Variants in CDH23 observed in about 807,000 individuals in gnomAD.
The protein encoded by CDH23 is cadherin-23.
CDH23 carries 189 observed loss-of-function variants against 317.1 expected under a neutral mutation model. The observed-to-expected ratio is 0.60, with a 90% CI of 0.53 to 0.67. The LOEUF is 0.67. Ranked by LOEUF, CDH23 falls within the 30% of genes least tolerant of loss-of-function variation. CDH23 has a pLI of 0.00. For missense variants in CDH23, 4,401 were observed against 4,592.4 expected, an observed-to-expected ratio of 0.96 and a Z score of 1.20; for synonymous variants, 1,839 against 1,876.8, an observed-to-expected ratio of 0.98 and a Z score of 0.52.
chr10:71,609,646 T>C (rs941422052), intron 9 of CDH23, among the ~76,000 whole-genome samples: 8 of 152,226 alleles, frequency 5.3e-5, no homozygotes, highest in African/African-American at 1.9e-4. Flanking sequence ...CATCTACCTC[T>C]CTGGCCATTG....
At chr10:71,663,476 G>A (rs1003699169) in intron 14 of CDH23, among the ~76,000 whole-genome samples, 1 of 152,160 alleles carries the variant, frequency 6.6e-6, no homozygotes, top group African/African-American at 2.4e-5. Flanking sequence ...CTGACTCATG[G>A]TCCCTGGACT....
At chr10:71,629,703 G>T (rs1861913493) in intron 11 of CDH23, among the ~76,000 whole-genome samples, 1 of 152,204 alleles carries the variant, frequency 6.6e-6, no homozygotes, top group African/African-American at 2.4e-5. Context: ...GCTACAGCAG[G>T]CATAGCCCTG....
chr10:71,798,248 C>A (rs1011560996), intron 49 of CDH23, 106 bp from the exon 50 acceptor site: 26 of 783,870 alleles, frequency 3.3e-5, no homozygotes, highest in Middle Eastern at 2.3e-4. Context: ...CTCTGGGGGG[C>A]TGTGGGATGC....
At chr10:71,622,919 C>G (rs377268625) in intron 11 of CDH23, 203 of 985,354 alleles carry the variant, frequency 2.1e-4, no homozygotes, top group East Asian at 6.8e-4. Flanking sequence ...TTCAGAAAGG[C>G]CTTCGGGCCT....
chr10:71,562,300 T>A (rs898089357), intron 6 of CDH23, among the ~76,000 whole-genome samples: 8 of 152,146 alleles, frequency 5.3e-5, no homozygotes, highest in African/African-American at 1.7e-4. Flanking sequence ...TCCGGCCACC[T>A]CCCCATGCGC....
chr10:71,692,375 A>G (rs937157403), intron 20 of CDH23, among the ~76,000 whole-genome samples: 9 of 152,288 alleles, frequency 5.9e-5, no homozygotes, highest in African/African-American at 2.2e-4. Flanking sequence ...CTTTGTCTCC[A>G]AAGGTGTAAG....
chr10:71,739,059 G>A lies in CDH23; in HGVS notation c.4359+412G>A, dbSNP rs1250955109. Among the ~76,000 whole-genome samples, 7 of 152,312 alleles carry A rather than the reference G, an allele frequency of 4.6e-5. 1 individual carries two copies. Among genetic ancestry groups the A allele is most frequent in the Non-Finnish European group, 8.8e-5 (6 of 68,024 alleles). ...TGCAGAGGGAGAAGTGATGAAACCC[G>A]CCAGTGTTCACACAGCTTTCATCTG... On this transcript the variant is annotated intron_variant, in intron 35 of 69. Transcript: ENST00000224721.
At chr10:71,676,832 C>T (rs1864391099) in intron 15 of CDH23, among the ~76,000 whole-genome samples, 2 of 152,216 alleles carry the variant, frequency 1.3e-5, no homozygotes, top group Admixed American at 1.3e-4. Context: ...ACTTTCCTCA[C>T]TCCAAGCCAG....
intron 17 of CDH23, among the ~76,000 whole-genome samples, chr10:71,680,246 C>T (rs1864560555): frequency 6.6e-6 from 1 of 152,252 alleles, no homozygotes; most frequent in Non-Finnish European, 1.5e-5. Context: ...TTGGTCCTGC[C>T]TCCCTTTGGC....
In CDH23 at chr10:71,682,593, G is replaced by T. The variant is rs1369824434; in HGVS notation, c.1986+21G>T. On this transcript the variant is annotated intron_variant, in intron 18 of 69. Coordinates refer to ENST00000224721, the MANE Select transcript of CDH23 (RefSeq NM_022124.6). ...TGTTTGTAAGTACCCAGGGCCACTG[G>T]CCTTGCCCTGCTAGTGTAAGGGATG... The T allele has an allele frequency of 6.8e-6, 11 of 1,610,470 alleles. No homozygotes were observed. In the East Asian group the frequency reaches 2.5e-4, roughly 36 times the overall value.
At chr10:71,754,420 A>G (rs1840082185) in intron 38 of CDH23, among the ~76,000 whole-genome samples, 1 of 152,162 alleles carries the variant, frequency 6.6e-6, no homozygotes, top group Admixed American at 6.5e-5. Context: ...ACCTGGCACC[A>G]GAGCAATCCT....
At chr10:71,650,682 A>T (rs572508152) in intron 14 of CDH23, among the ~76,000 whole-genome samples, 3 of 152,194 alleles carry the variant, frequency 2.0e-5, no homozygotes, top group Admixed American at 1.3e-4. Flanking sequence ...CGATGCATGG[A>T]TGATGCTGGT....
intron 1 of CDH23, among the ~76,000 whole-genome samples, chr10:71,418,658 G>A (rs993033074): frequency 2.0e-5 from 3 of 152,312 alleles, no homozygotes; most frequent in East Asian, 1.9e-4. Context: ...TCTCTGGATC[G>A]TCATACCGTA....
chr10:71,706,952 T>C lies in CDH23; in HGVS notation c.3009T>C (p.Ser1003=), dbSNP rs10823829. The change falls in exon 26 of 70, where the codon TCT becomes TCC. Residue 1003 remains serine, a synonymous_variant. Transcript: ENST00000224721. ...PTFFPAVYNV[S]VSEDVPREFR... is the part of the protein sequence containing the mutation. ...TCTTCCCGGCCGTGTACAATGTGTC[T>C]GTGTCCGAGGACGTGCCACGCGAGT... The C allele has an allele frequency of 0.064, 102,310 of 1,606,624 alleles. 10,081 individuals carry two copies. Among genetic ancestry groups the C allele is most frequent in the African/African-American group, 0.37 (27,695 of 74,808 alleles).
chr10:71,411,682 T>C (rs1564564217), intron 1 of CDH23, among the ~76,000 whole-genome samples: 1 of 152,212 alleles, frequency 6.6e-6, no homozygotes, highest in Admixed American at 6.5e-5. Flanking sequence ...TCAATTCTGG[T>C]ATCAAGGAGA....
intron 38 of CDH23, among the ~76,000 whole-genome samples, chr10:71,776,385 C>T (rs1840817446): frequency 1.3e-5 from 2 of 152,262 alleles, no homozygotes. Context: ...ATTGAGTTGT[C>T]TGTACCACCT....
intron 11 of CDH23, among the ~76,000 whole-genome samples, chr10:71,637,404 C>G (rs1428002558): frequency 1.3e-5 from 2 of 152,138 alleles, no homozygotes; most frequent in African/African-American, 4.8e-5. Flanking sequence ...AATAGCTCTC[C>G]TCTATTGAAC....
chr10:71,811,770 GT>G lies in CDH23; in HGVS notation c.9319+18del, dbSNP rs755441406. ...GCTCAGCTGGTAAGTGAGGGCCATAGTGGGGACACAGGTGAGAAGGCAGTGG... is the reference window on the plus strand; with the variant it reads ...GCTCAGCTGGTAAGTGAGGGCCATAGGGGGACACAGGTGAGAAGGCAGTGG... On this transcript the variant is annotated intron_variant, in intron 65 of 69. Coordinates refer to ENST00000224721, the MANE Select transcript of CDH23 (RefSeq NM_022124.6). The G allele has an allele frequency of 2.6e-6, 4 of 1,565,304 alleles. No individual in the cohort carries two copies. In the Admixed American group the frequency reaches 7.7e-5, roughly 30 times the overall value.
chr10:71,592,552 C>T (rs1199640025), intron 9 of CDH23, among the ~76,000 whole-genome samples: 1 of 152,068 alleles, frequency 6.6e-6, no homozygotes, highest in Non-Finnish European at 1.5e-5. Context: ...TGTGTTGTTC[C>T]GATCCCCTCT....
Sources: allele counts gnomAD v4.1 joint callset (sites outside exome capture counted in the v4.1 genomes callset), GRCh38; gene constraint gnomAD v4.1.1; transcripts MANE v1.5; gene names NCBI Gene and HGNC (gene_info 2026-07-23, HGNC 2026-07-21).